The following CNTNAP2 variants were observed in gnomAD, a reference collection of about 807,000 sequenced individuals.
CNTNAP2 encodes the protein contactin-associated protein-like 2.
Under a neutral mutation model 155.2 loss-of-function variants are expected in CNTNAP2, and 98 were observed. That is an observed-to-expected ratio of 0.63 (90% confidence interval 0.54 to 0.75). The LOEUF (loss-of-function observed/expected upper bound fraction) is 0.75. CNTNAP2 is among the 30% of genes least tolerant of loss of function. The pLI, the probability that CNTNAP2 is intolerant of heterozygous loss-of-function variation, is 0.00. For missense variants in CNTNAP2, 1,727 were observed against 1,688.1 expected (o/e 1.02, Z -0.40); for synonymous variants, 651 against 631.2 (o/e 1.03, Z -0.47).
chr7:146,328,172 C>T (rs116775566), intron 1 of CNTNAP2, among the ~76,000 whole-genome samples: 6 of 152,084 alleles, frequency 3.9e-5, no homozygotes, highest in Non-Finnish European at 8.8e-5. Context: ...GGAGCACGAA[C>T]CCTATGGTGA....
At chr7:147,660,244 T>C (rs140201716) in intron 13 of CNTNAP2, among the ~76,000 whole-genome samples, 2,534 of 152,354 alleles carry the variant, frequency 0.017, 223 homozygotes, top group Admixed American at 0.15. Flanking sequence ...TGTATTCCTT[T>C]GTACCCTTTT....
intron 21 of CNTNAP2, among the ~76,000 whole-genome samples, chr7:148,309,819 G>A (rs1276583417): frequency 6.6e-6 from 1 of 152,186 alleles, no homozygotes; most frequent in Non-Finnish European, 1.5e-5. Context: ...GGGCTCAGAG[G>A]CCTGACATTC....
intron 8 of CNTNAP2, among the ~76,000 whole-genome samples, chr7:147,135,323 C>A (rs1801456235): frequency 6.6e-6 from 1 of 151,606 alleles, no homozygotes. Context: ...GAACAAGTTG[C>A]AACATCAACG....
intron 1 of CNTNAP2, among the ~76,000 whole-genome samples, chr7:146,436,678 A>ACACCTTCCTCCAAAT (rs1796248276): frequency 3.9e-4 from 58 of 147,538 alleles, no homozygotes; most frequent in African/African-American, 1.5e-3. Context: ...AACCTCTAAA[A>ACACCTTCCTCCAAAT]CTTGATAAAT....
At chr7:147,513,114 A>T (rs1425701579) in intron 11 of CNTNAP2, among the ~76,000 whole-genome samples, 2 of 152,182 alleles carry the variant, frequency 1.3e-5, no homozygotes, top group African/African-American at 4.8e-5. Flanking sequence ...TATTTTTAAT[A>T]AATTGTTTCA....
chr7:148,206,589 T>G (rs553445739), intron 18 of CNTNAP2, among the ~76,000 whole-genome samples: 251 of 152,330 alleles, frequency 1.6e-3, no homozygotes, highest in African/African-American at 5.7e-3. Context: ...CCAAGTTATG[T>G]CCAACATCCT....
At chr7:147,834,416 A>C (rs997588052) in intron 13 of CNTNAP2, among the ~76,000 whole-genome samples, 5 of 152,184 alleles carry the variant, frequency 3.3e-5, no homozygotes, top group Admixed American at 3.3e-4. Context: ...GTTGGGGTCT[A>C]TGGAGGAAGC....
chr7:147,707,747 T>C (rs1796337292), intron 13 of CNTNAP2, among the ~76,000 whole-genome samples: 1 of 152,280 alleles, frequency 6.6e-6, no homozygotes, highest in Non-Finnish European at 1.5e-5. Context: ...ATCATCTAGC[T>C]CTGAAGTGAT....
At chr7:146,174,564 G>A (rs1322137780) in intron 1 of CNTNAP2, among the ~76,000 whole-genome samples, 4 of 152,112 alleles carry the variant, frequency 2.6e-5, no homozygotes, top group South Asian at 2.1e-4. Context: ...TAGGCTGGGC[G>A]TGGTGGCTCA....
chr7:148,305,097 C>T (rs983500109), intron 21 of CNTNAP2, among the ~76,000 whole-genome samples: 27 of 150,800 alleles, frequency 1.8e-4, no homozygotes, highest in Admixed American at 1.7e-3. Flanking sequence ...ATGGTGCACA[C>T]CTGTAGTCCC....
intron 1 of CNTNAP2, among the ~76,000 whole-genome samples, chr7:146,592,598 TAAAG>T (rs1798799369): frequency 6.6e-6 from 1 of 152,174 alleles, no homozygotes; most frequent in East Asian, 1.9e-4. Context: ...TACTTTCTGA[TAAAG>T]AAATATTATT....
At chr7:146,771,596 G>C (rs1802293536) in intron 1 of CNTNAP2, among the ~76,000 whole-genome samples, 2 of 151,964 alleles carry the variant, frequency 1.3e-5, no homozygotes, top group Non-Finnish European at 2.9e-5. Context: ...TAACTTTCTG[G>C]GGAACTTATT....
At position 147,800,569 on chromosome 7, in the gene CNTNAP2, C is replaced by T. The variant is rs116640414; in HGVS notation, c.2099-102996C>T. ...TCTCCCTACGTTTGTTGCCATGAGC[C>T]TTAGTCTATCATCATCATACCTCAA... On this transcript the variant is annotated intron_variant, in intron 13 of 23. Coordinates refer to ENST00000361727, the MANE Select transcript of CNTNAP2 (RefSeq NM_014141.6). 7.7e-3 allele frequency among the ~76,000 whole-genome samples: 1,173 copies of T among 152,084 alleles called. 16 individuals are homozygous for T. Among genetic ancestry groups the T allele is most frequent in the African/African-American group, 0.027 (1,139 of 41,476 alleles).
chr7:148,146,438 T>C lies in CNTNAP2; in HGVS notation c.2555-1053T>C, dbSNP rs80133652. Among the ~76,000 whole-genome samples, 212 of 152,294 alleles carry C rather than the reference T, an allele frequency of 1.4e-3. 4 individuals carry two copies. The East Asian group carries it at 0.036, about 26-fold the overall frequency. On this transcript the variant is annotated intron_variant, in intron 16 of 23. Transcript: ENST00000361727. ...GGTCACTGAGGAACTTAACATAAAA[T>C]ATAAAATGTGAAATTAGAAAGCTAC...
At chr7:147,415,037 G>A (rs1246993366) in intron 10 of CNTNAP2, among the ~76,000 whole-genome samples, 2 of 150,862 alleles carry the variant, frequency 1.3e-5, no homozygotes, top group African/African-American at 4.9e-5. Flanking sequence ...GCAAGACAAA[G>A]TCAAGGCTCT....
At chr7:148,093,116 C>A (rs1414408163) in intron 15 of CNTNAP2, among the ~76,000 whole-genome samples, 1 of 151,468 alleles carries the variant, frequency 6.6e-6, no homozygotes, top group African/African-American at 2.4e-5. Flanking sequence ...AAGATTGAGT[C>A]TGTGTGAACA....
chr7:146,649,582 T>C (rs1247917681), intron 1 of CNTNAP2, among the ~76,000 whole-genome samples: 2 of 152,178 alleles, frequency 1.3e-5, no homozygotes, highest in South Asian at 2.1e-4. Flanking sequence ...CTGGAAATTA[T>C]TCTGAATATT....
chr7:146,850,447 A>T (rs1437679328), intron 3 of CNTNAP2, among the ~76,000 whole-genome samples: 2 of 152,206 alleles, frequency 1.3e-5, no homozygotes, highest in African/African-American at 4.8e-5. Context: ...CAGCTGCACA[A>T]ATTAATAAAT....
intron 10 of CNTNAP2, among the ~76,000 whole-genome samples, chr7:147,401,345 T>G (rs1796909102): frequency 6.6e-6 from 1 of 152,220 alleles, no homozygotes; most frequent in African/African-American, 2.4e-5. Flanking sequence ...ATTCCAGAGT[T>G]AGTAATTAAG....
Sources: allele counts gnomAD v4.1 joint callset (sites outside exome capture counted in the v4.1 genomes callset), GRCh38; gene constraint gnomAD v4.1.1; transcripts MANE v1.5; gene names NCBI Gene and HGNC (gene_info 2026-07-23, HGNC 2026-07-21).